ACSL1: variants seen among roughly 807,000 people sequenced by gnomAD.
ACSL1 encodes long-chain-fatty-acid--CoA ligase 1.
In ACSL1, 41 loss-of-function variants were observed where a neutral mutation model predicts 98.4. The observed-to-expected ratio is 0.42, with a 90% CI of 0.32 to 0.54. The LOEUF (loss-of-function observed/expected upper bound fraction) is 0.54. Among genes scored for constraint, ACSL1 ranks in the 20% least tolerant of loss-of-function variants. The pLI is 0.13. For synonymous variants in ACSL1, 316 were observed against 322.7 expected, an observed-to-expected ratio of 0.98 and a Z score of 0.22; for missense variants, 734 against 883.1, an observed-to-expected ratio of 0.83 and a Z score of 2.14.
intron 1 of ACSL1, chr4:184,815,052 G>A (rs1354904289): frequency 6.6e-6 from 3 of 456,272 alleles, no homozygotes; most frequent in Non-Finnish European, 1.3e-5. Flanking sequence ...AAACACACCT[G>A]CAAGAGTTAA....
intron 1 of ACSL1, among the ~76,000 whole-genome samples, chr4:184,812,965 T>C (rs1264320063): frequency 6.6e-6 from 1 of 152,110 alleles, no homozygotes; most frequent in East Asian, 1.9e-4. Flanking sequence ...AACACAGAGC[T>C]AGTGGGCGGC....
intron 1 of ACSL1, among the ~76,000 whole-genome samples, chr4:184,806,625 T>C (rs1027386453): frequency 1.3e-5 from 2 of 152,160 alleles, no homozygotes; most frequent in Non-Finnish European, 2.9e-5. Context: ...GCATCAGCAG[T>C]AGCCATGCTA....
At position 184,764,890 on chromosome 4, in the gene ACSL1, G is replaced by A. The variant is rs150765294; in HGVS notation, c.1395C>T (p.Ala465=). The A allele has an allele frequency of 1.1e-4, 185 of 1,613,746 alleles. No homozygotes were observed. The highest frequency in any genetic ancestry group is 1.5e-4 in the Non-Finnish European group (177 of 1,179,920). ...CTCCAGGCATGGTCAGGCAGCACCC[G>A]GCAGTGCACTCTGTCTGTCCGTATC... The part of the protein sequence containing the change: ...YEGYGQTECT[A]GCCLTMPGDW... The change falls in exon 15 of 21, where the codon GCC becomes GCT. Residue 465 remains alanine (A), a synonymous_variant. Transcript: ENST00000281455.
At chr4:184,806,415 T>C (rs1472293562) in intron 1 of ACSL1, among the ~76,000 whole-genome samples, 1 of 152,134 alleles carries the variant, frequency 6.6e-6, no homozygotes, top group African/African-American at 2.4e-5. Flanking sequence ...CAGGCCTGAA[T>C]AGGAAGTACT....
At chr4:184,770,766 A>T (rs1474080932) in intron 10 of ACSL1, among the ~76,000 whole-genome samples, 1 of 152,236 alleles carries the variant, frequency 6.6e-6, no homozygotes, top group Non-Finnish European at 1.5e-5. Context: ...CTGAGCACAT[A>T]GTACCTCAAC....
chr4:184,757,593 A>ATTTT lies in ACSL1; in HGVS notation c.1956+41_1956+42insAAAA. On this transcript the variant is annotated intron_variant, in intron 20 of 20. Transcript: ENST00000281455. This position sits in a 1 kb window ranked among gnomAD's most constrained non-coding sequence, Gnocchi z 4.5. ...ACCTGTAAAAAAATCTTAATGGAAA[A>ATTTT]TTTGTTTTACAGGAATTCACCCACT... 1 of 1,568,180 alleles carries ATTTT rather than the reference A, an allele frequency of 6.4e-7. No homozygotes were observed.
intron 4 of ACSL1, among the ~76,000 whole-genome samples, chr4:184,783,580 C>T (rs549296873): frequency 5.6e-4 from 85 of 152,222 alleles, no homozygotes; most frequent in Non-Finnish European, 1.1e-3. Flanking sequence ...TTCCCACGTT[C>T]CAGCTTCTGA....
intron 5 of ACSL1, among the ~76,000 whole-genome samples, chr4:184,779,419 A>G (rs546515600): frequency 2.6e-5 from 4 of 152,074 alleles, no homozygotes; most frequent in East Asian, 3.9e-4. Flanking sequence ...GTCCAATTAA[A>G]CCTCTTTTTG....
intron 4 of ACSL1, among the ~76,000 whole-genome samples, chr4:184,781,701 C>A (rs1309314196): frequency 4.6e-5 from 7 of 151,996 alleles, no homozygotes; most frequent in Non-Finnish European, 1.0e-4. Flanking sequence ...TTCCTCCTCA[C>A]GGGTTCAAGA....
In ACSL1 at chr4:184,787,675, C is replaced by A. The variant is rs1004392450; in HGVS notation, c.310+942G>T. Among the ~76,000 whole-genome samples, 6 of 151,082 alleles carry A rather than the reference C, an allele frequency of 4.0e-5. 1 individual carries two copies. The highest frequency in any genetic ancestry group is 3.9e-4 in the East Asian group (2 of 5,080). ...GATTAGGAGTTTGAGACCAGCCTGA[C>A]CAACATGGAGAAACCCCATCTCTAT... On this transcript the variant is annotated intron_variant, in intron 3 of 20. Transcript: ENST00000281455.
At chr4:184,811,660 G>A (rs1419621782) in intron 1 of ACSL1, among the ~76,000 whole-genome samples, 3 of 151,982 alleles carry the variant, frequency 2.0e-5, no homozygotes, top group Non-Finnish European at 4.4e-5. Context: ...AGGGGGAGGA[G>A]GAATGAGCGT....
At chr4:184,822,729 G>A (rs887916459) in intron 1 of ACSL1, among the ~76,000 whole-genome samples, 2 of 151,566 alleles carry the variant, frequency 1.3e-5, no homozygotes, top group Admixed American at 6.6e-5. Context: ...GACAGAGTGA[G>A]ACCTTATCTG....
chr4:184,773,901 T>C lies in ACSL1; in HGVS notation c.757-26A>G, dbSNP rs748039493. 10 of 1,613,576 alleles carry C rather than the reference T, an allele frequency of 6.2e-6. No individual in the cohort carries two copies. The highest frequency in any genetic ancestry group is 6.8e-6 in the Non-Finnish European group (8 of 1,179,698). On this transcript the variant is annotated intron_variant, in intron 7 of 20. Coordinates refer to ENST00000281455, the MANE Select transcript of ACSL1 (RefSeq NM_001995.5). This position sits in a 1 kb window ranked among gnomAD's most constrained non-coding sequence, Gnocchi z 4.3. ...CTTAATTAGAAGAGAAAAAAAGTCTTAAATGGAAACGTTTTCTAACTGTAA... is the reference window on the plus strand; with the variant it reads ...CTTAATTAGAAGAGAAAAAAAGTCTCAAATGGAAACGTTTTCTAACTGTAA...
intron 4 of ACSL1, among the ~76,000 whole-genome samples, chr4:184,783,294 T>A (rs183027398): frequency 6.6e-6 from 1 of 152,234 alleles, no homozygotes; most frequent in Non-Finnish European, 1.5e-5. Context: ...AGGGCCACCA[T>A]ACTCAGATCC....
chr4:184,776,381 C>T (rs964663812), intron 7 of ACSL1, 103 bp downstream of exon 7: 16 of 1,339,088 alleles, frequency 1.2e-5, no homozygotes, highest in Non-Finnish European at 1.5e-5. Flanking sequence ...AACCGGCCAG[C>T]GCTGGGACTG....
At chr4:184,799,466 A>G (rs1770071959) in intron 2 of ACSL1, among the ~76,000 whole-genome samples, 1 of 151,596 alleles carries the variant, frequency 6.6e-6, no homozygotes, top group Non-Finnish European at 1.5e-5. Flanking sequence ...CAGAACTTAG[A>G]CTCTGTTTTT....
rs1561214412 is a variant in ACSL1, at chr4:184,788,682, A to C, written c.245T>G (p.Leu82Trp). The change falls in exon 3 of 21, where the codon TTG (leucine) becomes TGG (tryptophan). Residue 82 changes from leucine (L) to tryptophan (W), a missense_variant. Coordinates refer to ENST00000281455, the MANE Select transcript of ACSL1 (RefSeq NM_001995.5). The stretch of plus-strand genomic sequence containing the variant: ...TGTGACATCATCATAGAAATACACC[A>C]AGGGCTCGTCGCTGTCAAGTAGTGC... ...RSALLDSDEP[L>W]VYFYDDVTTL... 6.2e-7 allele frequency: 1 copy of C among 1,614,144 alleles called. No individual in the cohort carries two copies. Among genetic ancestry groups the C allele is most frequent in the Non-Finnish European group, 8.5e-7 (1 of 1,180,026 alleles).
intron 2 of ACSL1, among the ~76,000 whole-genome samples, chr4:184,802,757 C>A (rs1464663290): frequency 6.6e-6 from 1 of 152,214 alleles, no homozygotes; most frequent in South Asian, 2.1e-4. Flanking sequence ...ACAACCACGG[C>A]GCTCAGCAGC....
chr4:184,820,239 G>A (rs1217027019), intron 1 of ACSL1, among the ~76,000 whole-genome samples: 1 of 151,854 alleles, frequency 6.6e-6, no homozygotes, highest in African/African-American at 2.4e-5. Context: ...GGATGGTCTT[G>A]ATCTCCTGAC....
Sources: allele counts gnomAD v4.1 joint callset (sites outside exome capture counted in the v4.1 genomes callset), GRCh38; gene constraint gnomAD v4.1.1; non-coding constraint Gnocchi (gnomAD v3.1); transcripts MANE v1.5; gene names NCBI Gene and HGNC (gene_info 2026-07-23, HGNC 2026-07-21).